Variants in KNL1 observed in about 807,000 individuals in gnomAD.
KNL1 encodes outer kinetochore KNL1 complex subunit KNL1.
Under a neutral mutation model 201.3 loss-of-function variants are expected in KNL1, and 66 were observed. The ratio of observed to expected loss-of-function variants is 0.33; its 90% CI spans 0.27 to 0.40. The LOEUF (loss-of-function observed/expected upper bound fraction) is 0.40, where lower values mean the gene tolerates loss of function less well. Ranked by LOEUF, KNL1 falls within the 10% of genes least tolerant of loss-of-function variation. The probability of loss-of-function intolerance (pLI) is 1.00; values close to 1 mark genes in which losing one functional copy is unlikely to be tolerated. For synonymous variants in KNL1, 895 were observed against 899.2 expected (o/e 1.00, Z 0.08); for missense variants, 2,815 against 2,690.5 (o/e 1.05, Z -1.02).
chr15:40,615,204 T>C, intron 7 of KNL1, 137 bp from the exon 8 acceptor site: 2 of 340,278 alleles, frequency 5.9e-6, no homozygotes, highest in Non-Finnish European at 1.1e-5. Flanking sequence ...ATGAGTCTTT[T>C]TTAAAAAGAT....
Position 40,621,497 on chromosome 15 carries a change from G to A in KNL1, c.1233G>A (p.Met411Ile), listed in dbSNP as rs116093409. 2 of 1,613,902 alleles carry A rather than the reference G, an allele frequency of 1.2e-6. No individual in the cohort carries two copies. Among genetic ancestry groups the A allele is most frequent in the East Asian group, 4.5e-5 (2 of 44,862 alleles). ...ATCAGGATGCCAGAATATTAGCCAT[G>A]ACCCCAGAATCTATATATTCTAATC... ...TCNQDARILA[M>I]TPESIYSNPS... The change falls in exon 10 of 26, where the codon ATG (methionine) becomes ATA (isoleucine). Residue 411 changes from methionine to isoleucine, a missense_variant. By Grantham distance (10) the Met-to-Ile change is conservative. Coordinates refer to ENST00000399668, the MANE Select transcript of KNL1 (RefSeq NM_144508.5).
chr15:40,621,523 C>T lies in KNL1; in HGVS notation c.1259C>T (p.Pro420Leu), dbSNP rs749467928. The T allele has an allele frequency of 5.6e-6, 9 of 1,613,310 alleles. No individual in the cohort carries two copies. The highest frequency in any genetic ancestry group is 7.6e-6 in the Non-Finnish European group (9 of 1,179,644). The change falls in exon 10 of 26, where the codon CCA becomes CTA. Residue 420 changes from proline (P) to leucine (L), a missense_variant. Pro to Leu is a moderately conservative substitution (Grantham distance 98, BLOSUM62 -3). Around this residue, in one of 3 missense-constraint regions of KNL1, gnomAD observed 2,464 missense variants for 2,291.7 expected, o/e 1.08. Transcript: ENST00000399668. ...ACCCCAGAATCTATATATTCTAATC[C>T]ATCTATTCAAGGTTGTAAGACTGTT... ...AMTPESIYSN[P>L]SIQGCKTVFY...
chr15:40,644,666 G>C (rs1186722808), intron 14 of KNL1, among the ~76,000 whole-genome samples: 1 of 152,220 alleles, frequency 6.6e-6, no homozygotes, highest in Non-Finnish European at 1.5e-5. Flanking sequence ...TGTGCCCCTG[G>C]TTTATTGAGA....
chr15:40,655,109 C>G (rs965777098), intron 22 of KNL1, 132 bp downstream of exon 22: 2 of 630,286 alleles, frequency 3.2e-6, no homozygotes, highest in Non-Finnish European at 5.5e-6. Context: ...ACCAGCCTGA[C>G]TAACATGGTG....
At chr15:40,599,312 CAAA>C (rs547293277) in intron 1 of KNL1, among the ~76,000 whole-genome samples, 9 of 57,150 alleles carry the variant, frequency 1.6e-4, no homozygotes, top group Admixed American at 3.8e-4. Context: ...GATTCTGCCT[CAAA>C]AAAAAAAAAA....
intron 13 of KNL1, among the ~76,000 whole-genome samples, chr15:40,631,135 A>G (rs1308744302): frequency 6.6e-6 from 1 of 150,968 alleles, no homozygotes; most frequent in Non-Finnish European, 1.5e-5. Context: ...AAAAATAAAA[A>G]TAAATAAAAA....
At chr15:40,632,363 C>T (rs1325667912) in intron 13 of KNL1, among the ~76,000 whole-genome samples, 1 of 152,098 alleles carries the variant, frequency 6.6e-6, no homozygotes, top group Non-Finnish European at 1.5e-5. Flanking sequence ...AATCCCAACA[C>T]TTTGGGAGGC....
At chr15:40,643,721 A>T (rs771309490) in intron 14 of KNL1, among the ~76,000 whole-genome samples, 2 of 152,232 alleles carry the variant, frequency 1.3e-5, no homozygotes, top group Non-Finnish European at 2.9e-5. Flanking sequence ...ATTCTTTATA[A>T]GCGAAATGTT....
intron 8 of KNL1, among the ~76,000 whole-genome samples, chr15:40,616,175 G>T (rs1280128194): frequency 1.3e-5 from 2 of 150,592 alleles, no homozygotes; most frequent in Non-Finnish European, 3.0e-5. Context: ...CCAGGCTGGG[G>T]TGCAGTGGTG....
rs375591064 is a variant in KNL1 at position 40,622,045 on chromosome 15, C to T, written c.1781C>T (p.Ala594Val). 2 of 1,613,804 alleles carry T rather than the reference C, an allele frequency of 1.2e-6. No individual in the cohort carries two copies. The highest frequency in any genetic ancestry group is 2.7e-5 in the African/African-American group (2 of 74,932). The change falls in exon 10 of 26, where the codon GCA becomes GTA. Residue 594 changes from alanine (A) to valine (V), a missense_variant. By Grantham distance (64) the Ala-to-Val change is moderately conservative. This residue lies in a region of KNL1 where 2,464 missense variants were observed against 2,291.7 expected (regional missense o/e 1.08). Transcript: ENST00000399668. ...GTTCCTCTTGCAGCTTATAATCTAG[C>T]ACCGGAGAGTACCAGTGAATCTCAC... The part of the protein sequence containing the change: ...SQVPLAAYNL[A>V]PESTSESHSQ...
chr15:40,628,508 C>A, intron 11 of KNL1, 103 bp from the exon 12 acceptor site: 2 of 824,024 alleles, frequency 2.4e-6, no homozygotes, highest in Middle Eastern at 2.3e-4. Flanking sequence ...CAGAAAGATC[C>A]CAATGGGTAG....
In KNL1 at chr15:40,620,797, A is replaced by G; in HGVS notation, c.533A>G (p.Asp178Gly). The G allele has an allele frequency of 1.2e-6, 2 of 1,612,886 alleles. No homozygotes were observed. The highest frequency in any genetic ancestry group is 1.7e-6 in the Non-Finnish European group (2 of 1,179,678). Reference sequence around the variant, plus strand: ...ATAAGTGAAAAGTCCACCAAGATAGATACCACATCATTTCTAGCTAATTTA... The same window carrying G: ...ATAAGTGAAAAGTCCACCAAGATAGGTACCACATCATTTCTAGCTAATTTA... ...NPISEKSTKI[D>G]TTSFLANLKL... The change falls in exon 10 of 26, where the codon GAT becomes GGT. Residue 178 changes from aspartate to glycine, a missense_variant. Coordinates refer to ENST00000399668, the MANE Select transcript of KNL1 (RefSeq NM_144508.5).
At position 40,624,622 on chromosome 15, in the gene KNL1, C is replaced by T. The variant is rs1892675580; in HGVS notation, c.4358C>T (p.Pro1453Leu). Residue 1453 changes from proline to leucine, a missense_variant, in exon 10 of 26, where the codon CCT (proline) becomes CTT (leucine). This residue lies in a region of KNL1 where 2,464 missense variants were observed against 2,291.7 expected (regional missense o/e 1.08). Transcript: ENST00000399668. The part of the protein sequence containing the change: ...PHFSTDQPPL[P>L]KKGQSSINKE... ...TTCTCAACCGACCAACCTCCATTAC[C>T]TAAAAAAGGACAGAGTAGTATCAAT... 6.2e-7 allele frequency: 1 copy of T among 1,613,658 alleles called. No individual in the cohort carries two copies. Among genetic ancestry groups the T allele is most frequent in the African/African-American group, 1.3e-5 (1 of 74,866 alleles).
chr15:40,639,531 G>T (rs968255554), intron 13 of KNL1, among the ~76,000 whole-genome samples: 27 of 148,902 alleles, frequency 1.8e-4, no homozygotes, highest in Non-Finnish European at 4.4e-5. Context: ...GTTGCAATGA[G>T]CTGAGATCAC....
At chr15:40,640,459 T>C (rs924974295) in intron 13 of KNL1, among the ~76,000 whole-genome samples, 4 of 152,118 alleles carry the variant, frequency 2.6e-5, no homozygotes, top group African/African-American at 9.7e-5. Flanking sequence ...ATAAAACATT[T>C]TTAAATAACC....
intron 13 of KNL1, among the ~76,000 whole-genome samples, chr15:40,638,320 A>C (rs1595936930): frequency 6.6e-6 from 1 of 151,968 alleles, no homozygotes; most frequent in East Asian, 1.9e-4. Context: ...TAGTGTTGTC[A>C]TTATTTAGAG....
chr15:40,628,758 C>T (rs996308663), intron 12 of KNL1, 80 bp downstream of exon 12: 1 of 906,902 alleles, frequency 1.1e-6, no homozygotes, highest in Non-Finnish European at 1.6e-6. Context: ...ACGTAATATT[C>T]TTGGTTTAAA....
rs1418447223 is a variant in KNL1, at chr15:40,662,426, T to C, written c.*238T>C. The C allele has an allele frequency of 1.3e-4, 50 of 372,368 alleles. No homozygotes were observed. The East Asian group carries it at 2.1e-3, about 16-fold the overall frequency. The allele number at this position is 372,368 out of a possible 1,614,324, so 23.1% of individuals were successfully genotyped here. On this transcript the variant is annotated 3_prime_UTR_variant, in exon 26 of 26. Transcript: ENST00000399668. ...ATCTTTGTACCAAAGGTTTAAGTAA[T>C]AGGACACTTAGGAAAAATGTCTCCT... is the stretch of plus-strand genomic sequence containing the variant.
intron 19 of KNL1, among the ~76,000 whole-genome samples, chr15:40,651,196 T>G (rs1434225705): frequency 6.6e-6 from 1 of 151,942 alleles, no homozygotes; most frequent in Non-Finnish European, 1.5e-5. Context: ...AAAAGTTATC[T>G]TAACATGTGA....
Sources: allele counts gnomAD v4.1 joint callset (sites outside exome capture counted in the v4.1 genomes callset), GRCh38; gene constraint gnomAD v4.1.1; regional missense constraint gnomAD v4.1.1; transcripts MANE v1.5; gene names NCBI Gene and HGNC (gene_info 2026-07-23, HGNC 2026-07-21).